The following GPHN variants were observed in gnomAD, a reference collection of about 807,000 sequenced individuals.
GPHN encodes gephyrin.
A neutral mutation model predicts 95.5 loss-of-function variants in GPHN; 17 were observed. That is an observed-to-expected ratio of 0.18 (90% CI 0.12 to 0.27). The LOEUF (loss-of-function observed/expected upper bound fraction) is 0.27. Among genes scored for constraint, GPHN ranks in the 10% least tolerant of loss-of-function variants. The pLI is 1.00. For synonymous variants in GPHN, 320 were observed against 322.5 expected (o/e 0.99, Z 0.08); for missense variants, 660 against 978.1 (o/e 0.67, Z 4.34).
At chr14:67,496,678 T>C in the GPHN span, among the ~76,000 whole-genome samples, 2 of 146,418 alleles carry the variant, frequency 1.4e-5, no homozygotes, top group Admixed American at 1.4e-4. Context: ...TTTCCTTCCT[T>C]CCTCCCTCCT....
the GPHN span, chr14:67,692,798 T>G: frequency 9.1e-6 from 8 of 878,556 alleles, no homozygotes; most frequent in Non-Finnish European, 1.4e-5. Flanking sequence ...TAGTACTAGT[T>G]TCAGATCAGC....
chr14:67,071,246 A>G (rs1203520558), intron 11 of GPHN, among the ~76,000 whole-genome samples: 6 of 152,176 alleles, frequency 3.9e-5, no homozygotes, highest in African/African-American at 1.2e-4. Flanking sequence ...ATGTCCATCA[A>G]TGATAGACTG....
chr14:66,862,278 G>A (rs1463017286), intron 4 of GPHN, among the ~76,000 whole-genome samples: 1 of 151,880 alleles, frequency 6.6e-6, no homozygotes, highest in Non-Finnish European at 1.5e-5. Context: ...AACCTATCAA[G>A]GCTTAACCAC....
the GPHN span, chr14:67,645,791 C>T: frequency 4.3e-6 from 7 of 1,613,778 alleles, no homozygotes; most frequent in Non-Finnish European, 5.1e-6. Context: ...CCTCAGAGAA[C>T]TACAGGATAA....
the GPHN span, chr14:67,562,100 G>A: frequency 9.0e-6 from 14 of 1,549,464 alleles, no homozygotes; most frequent in South Asian, 1.5e-4. Context: ...CTGAGCTACG[G>A]GAGCTCTCAA....
At chr14:67,394,744 G>A in the GPHN span, among the ~76,000 whole-genome samples, 1 of 152,226 alleles carries the variant, frequency 6.6e-6, no homozygotes, top group African/African-American at 2.4e-5. Flanking sequence ...TGGCAATATT[G>A]AGAGGTGATG....
the GPHN span, chr14:67,572,352 A>G: frequency 4.1e-6 from 5 of 1,223,802 alleles, no homozygotes; most frequent in African/African-American, 3.1e-5. Context: ...AGCACAAGAC[A>G]TAGGCAGTAG....
At chr14:67,562,143 A>G in the GPHN span, 4 of 1,611,356 alleles carry the variant, frequency 2.5e-6, no homozygotes, top group Non-Finnish European at 3.4e-6. Context: ...ACAGCTATTC[A>G]GATAGCTCCT....
intron 2 of GPHN, among the ~76,000 whole-genome samples, chr14:66,715,997 T>C (rs1243481413): frequency 6.6e-6 from 1 of 152,090 alleles, no homozygotes; most frequent in African/African-American, 2.4e-5. Flanking sequence ...TATATATATA[T>C]AGATATATCT....
At chr14:67,690,290 A>G in the GPHN span, 77 of 1,614,064 alleles carry the variant, frequency 4.8e-5, no homozygotes, top group East Asian at 1.7e-3. Context: ...CCTGCATTGT[A>G]GAATTTCTCG....
At chr14:67,001,602 A>G (rs567440756) in intron 9 of GPHN, among the ~76,000 whole-genome samples, 1 of 151,792 alleles carries the variant, frequency 6.6e-6, no homozygotes, top group Non-Finnish European at 1.5e-5. Context: ...TTAGTGTGAC[A>G]TTAAATTTTG....
At chr14:67,644,961 G>A in the GPHN span, among the ~76,000 whole-genome samples, 3 of 149,486 alleles carry the variant, frequency 2.0e-5, no homozygotes, top group African/African-American at 7.4e-5. Context: ...TTGCGCCACT[G>A]CACTCCAGCC....
At chr14:66,564,847 A>G (rs1211135522) in intron 1 of GPHN, among the ~76,000 whole-genome samples, 1 of 152,146 alleles carries the variant, frequency 6.6e-6, no homozygotes, top group Non-Finnish European at 1.5e-5. Context: ...CTACTATCAA[A>G]TAATATTATC....
intron 2 of GPHN, among the ~76,000 whole-genome samples, chr14:66,766,298 G>A (rs2153455591): frequency 6.6e-6 from 1 of 152,200 alleles, no homozygotes; most frequent in East Asian, 1.9e-4. Context: ...GAGGTGCATG[G>A]GACTAAGAAG....
At chr14:66,669,766 A>C (rs551923528) in intron 1 of GPHN, among the ~76,000 whole-genome samples, 2 of 151,962 alleles carry the variant, frequency 1.3e-5, no homozygotes, top group African/African-American at 4.8e-5. Context: ...TAAAATTTCT[A>C]TTTGGTCTTC....
At chr14:67,519,170 G>C in the GPHN span, among the ~76,000 whole-genome samples, 1 of 152,130 alleles carries the variant, frequency 6.6e-6, no homozygotes, top group Admixed American at 6.5e-5. Context: ...GGAAGGAAAG[G>C]GGCATAAAGA....
At chr14:67,350,470 G>T in the GPHN span, 1 of 605,324 alleles carries the variant, frequency 1.7e-6, no homozygotes. Flanking sequence ...TAAGGTGATG[G>T]GGTTAAAAGA....
At chr14:67,203,427 G>A in the GPHN span, 1 of 694,478 alleles carries the variant, frequency 1.4e-6, no homozygotes, top group Middle Eastern at 3.1e-4. Context: ...AAATGACAAA[G>A]AGGAGCATCC....
the GPHN span, among the ~76,000 whole-genome samples, chr14:67,252,856 A>G: frequency 4.6e-5 from 7 of 152,364 alleles, no homozygotes; most frequent in African/African-American, 1.7e-4. Context: ...CCATAAACAG[A>G]TAATTTGACA....
Sources: gnomAD v4.1 joint callset for allele counts (sites outside exome capture counted in the v4.1 genomes callset) on GRCh38, gnomAD v4.1.1 for gene constraint, MANE v1.5 for transcripts, NCBI Gene and HGNC (gene_info 2026-07-23, HGNC 2026-07-21) for gene names.